SLC11A2: variants seen among roughly 807,000 people sequenced by gnomAD.
SLC11A2 encodes solute carrier family 11 member 2, also known as natural resistance-associated macrophage protein 2.
A neutral mutation model predicts 68.0 loss-of-function variants in SLC11A2; 38 were observed. The ratio of observed to expected loss-of-function variants is 0.56; its 90% confidence interval spans 0.43 to 0.73. The LOEUF is 0.73. SLC11A2 is among the 30% of genes least tolerant of loss of function. SLC11A2 has a pLI of 0.00. For missense variants in SLC11A2, 517 were observed against 690.5 expected (o/e 0.75, Z 2.82); for synonymous variants, 242 against 250.6 (o/e 0.97, Z 0.32).
the SLC11A2 span, among the ~76,000 whole-genome samples, chr12:50,964,613 G>T: frequency 6.6e-6 from 1 of 152,124 alleles, no homozygotes; most frequent in Non-Finnish European, 1.5e-5. Context: ...CCTGATATTA[G>T]GCAGTGAAAG....
downstream of SLC11A2, among the ~76,000 whole-genome samples, chr12:50,984,997 A>C (rs1940410002): frequency 6.6e-6 from 1 of 152,170 alleles, no homozygotes; most frequent in Non-Finnish European, 1.5e-5. Flanking sequence ...TTTCATTAGT[A>C]ATGTAAATGT....
chr12:50,976,227 G>A (rs1024310734), downstream of SLC11A2, among the ~76,000 whole-genome samples: 24 of 152,142 alleles, frequency 1.6e-4, no homozygotes, highest in African/African-American at 5.6e-4. Flanking sequence ...GATGAACATT[G>A]ATGCAAAAAT....
downstream of SLC11A2, among the ~76,000 whole-genome samples, chr12:50,975,811 T>C (rs1939840768): frequency 6.6e-6 from 1 of 152,078 alleles, no homozygotes; most frequent in African/African-American, 2.4e-5. Flanking sequence ...AAAGGGGATA[T>C]CACCACAGAT....
chr12:51,008,396 A>G, intron 3 of SLC11A2, 80 bp downstream of exon 3: 1 of 1,214,292 alleles, frequency 8.2e-7, no homozygotes, highest in Non-Finnish European at 1.2e-6. Context: ...GAGGCTGCTG[A>G]ACTTGAGCCA....
In SLC11A2 at chr12:51,015,946, G is replaced by A. The variant is rs185442837; in HGVS notation, c.-38-5180C>T. ...ATTACAGGCGCATGCCACCATGCCC[G>A]GCTAATTTTTGTATTTTTAGTAAAG... is the stretch of plus-strand genomic sequence containing the variant. On this transcript the variant is annotated intron_variant, in intron 1 of 15. Coordinates refer to ENST00000262052, the MANE Select transcript of SLC11A2 (RefSeq NM_000617.3). 1.6e-3 allele frequency among the ~76,000 whole-genome samples: 247 copies of A among 151,850 alleles called. 1 individual carries two copies. The highest frequency in any genetic ancestry group is 6.8e-3 in the Middle Eastern group (2 of 294).
At chr12:50,972,506 T>G in the SLC11A2 span, among the ~76,000 whole-genome samples, 1 of 152,206 alleles carries the variant, frequency 6.6e-6, no homozygotes, top group Non-Finnish European at 1.5e-5. Context: ...TGCCATGTTC[T>G]GGGGTGGTTC....
At chr12:51,004,655 T>C in intron 5 of SLC11A2, 133 bp downstream of exon 5, 5 of 893,722 alleles carry the variant, frequency 5.6e-6, no homozygotes, top group Admixed American at 2.0e-5. Context: ...TTTCCGTTGG[T>C]ACCGTCTGTC....
the SLC11A2 span, chr12:50,953,806 C>A: frequency 9.5e-6 from 5 of 524,340 alleles, no homozygotes; most frequent in African/African-American, 1.9e-5. Flanking sequence ...TTATCCCCTT[C>A]CCCTGCAAAA....
At chr12:50,978,650 A>C (rs999213440), downstream of SLC11A2, among the ~76,000 whole-genome samples, 2 of 152,196 alleles carry the variant, frequency 1.3e-5, no homozygotes, top group Non-Finnish European at 2.9e-5. Flanking sequence ...ATAATAAAAA[A>C]AAAAATGTAA....
the SLC11A2 span, chr12:50,970,550 C>G: frequency 1.7e-6 from 2 of 1,192,494 alleles, no homozygotes; most frequent in Admixed American, 4.4e-5. Flanking sequence ...CTTCTGAAAA[C>G]TATTTATTAT....
In SLC11A2 at chr12:50,987,229, C is replaced by G; in HGVS notation, c.*1096G>C. ...AGTTCAACTTTGCTGAGACAGTGAA[C>G]TTTGCAACCATACTAACACCTACTG... On this transcript the variant is annotated 3_prime_UTR_variant, in exon 16 of 16. Coordinates refer to ENST00000262052, the MANE Select transcript of SLC11A2 (RefSeq NM_000617.3). 1 of 1,287,212 alleles carries G rather than the reference C, an allele frequency of 7.8e-7. No individual in the cohort carries two copies. Among genetic ancestry groups the G allele is most frequent in the Non-Finnish European group, 1.0e-6 (1 of 988,664 alleles). 79.7% of individuals were successfully genotyped at this position (1,287,212 alleles called of 1,614,324 possible).
At chr12:50,969,361 T>C in the SLC11A2 span, among the ~76,000 whole-genome samples, 1 of 152,178 alleles carries the variant, frequency 6.6e-6, no homozygotes, top group African/African-American at 2.4e-5. Flanking sequence ...TTTACTTAGA[T>C]AAATCTGGAA....
At chr12:50,984,119 A>G (rs934950131), downstream of SLC11A2, among the ~76,000 whole-genome samples, 3 of 150,548 alleles carry the variant, frequency 2.0e-5, no homozygotes, top group African/African-American at 7.4e-5. Flanking sequence ...ACAAAGCTCG[A>G]CTCCATCTCA....
Position 50,987,572 on chromosome 12 carries a change from G to T in SLC11A2, c.*753C>A, listed in dbSNP as rs967484274. On this transcript the variant is annotated 3_prime_UTR_variant, in exon 16 of 16. Transcript: ENST00000262052. ...GAGTAAATATCATCAGGAAAGCTCT[G>T]TACTAACAGGCAGGTTATTAAGACT... 6.2e-6 allele frequency: 8 copies of T among 1,287,038 alleles called. No homozygotes were observed. The highest frequency in any genetic ancestry group is 8.1e-6 in the Non-Finnish European group (8 of 988,658). 79.7% of individuals were successfully genotyped at this position (1,287,038 alleles called of 1,614,324 possible).
chr12:51,007,794 C>T (rs1942855863), intron 3 of SLC11A2, among the ~76,000 whole-genome samples: 1 of 152,156 alleles, frequency 6.6e-6, no homozygotes, highest in Admixed American at 6.5e-5. Flanking sequence ...GTGCATACCA[C>T]CATGCCCAGC....
At chr12:50,968,026 G>T in the SLC11A2 span, among the ~76,000 whole-genome samples, 2 of 152,126 alleles carry the variant, frequency 1.3e-5, no homozygotes, top group South Asian at 4.1e-4. Flanking sequence ...GGTCGAGGCT[G>T]CATGAGCCTT....
In SLC11A2 at chr12:50,986,503, A is replaced by G. The variant is rs2136151263; in HGVS notation, c.*1822T>C. The G allele has an allele frequency of 7.8e-7, 1 of 1,285,384 alleles. No individual in the cohort carries two copies. Among genetic ancestry groups the G allele is most frequent in the African/African-American group, 1.5e-5 (1 of 65,864 alleles). 79.6% of individuals were successfully genotyped at this position (1,285,384 alleles called of 1,614,324 possible). On this transcript the variant is annotated 3_prime_UTR_variant, in exon 16 of 16. Coordinates refer to ENST00000262052, the MANE Select transcript of SLC11A2 (RefSeq NM_000617.3). ...TACCTAGGCTCCTAAATGCTTGTAA[A>G]TCTGAGACTGACTGGACCCACCCAG...
the SLC11A2 span, among the ~76,000 whole-genome samples, chr12:50,959,193 C>A: frequency 7.2e-5 from 11 of 152,144 alleles, no homozygotes; most frequent in African/African-American, 2.6e-4. Context: ...AATCTCAGCT[C>A]ACTGCAACCT....
downstream of SLC11A2, among the ~76,000 whole-genome samples, chr12:50,979,077 A>C (rs1939894609): frequency 2.0e-5 from 3 of 152,178 alleles, no homozygotes; most frequent in Non-Finnish European, 4.4e-5. Context: ...AAGTGAATGC[A>C]CTCAGGTTAT....
Sources: gnomAD v4.1 joint callset for allele counts (sites outside exome capture counted in the v4.1 genomes callset) on GRCh38, gnomAD v4.1.1 for gene constraint, MANE v1.5 for transcripts, NCBI Gene and HGNC (gene_info 2026-07-23, HGNC 2026-07-21) for gene names.